HCFC2: variants seen among roughly 807,000 people sequenced by gnomAD.
HCFC2 encodes host cell factor C2.
HCFC2 carries 18 observed loss-of-function variants against 89.2 expected under a neutral mutation model. The observed-to-expected ratio is 0.20, with a 90% CI of 0.14 to 0.30. The LOEUF (loss-of-function observed/expected upper bound fraction) is 0.30. HCFC2 is among the 10% of genes least tolerant of loss of function. The probability of loss-of-function intolerance (pLI) is 1.00; values close to 1 mark genes in which losing one functional copy is unlikely to be tolerated. For missense variants in HCFC2, 578 were observed against 956.1 expected (o/e 0.60, Z 5.21); for synonymous variants, 308 against 335.7 (o/e 0.92, Z 0.90).
At chr12:104,084,521 A>G (rs1440352210) in intron 7 of HCFC2, among the ~76,000 whole-genome samples, 1 of 152,152 alleles carries the variant, frequency 6.6e-6, no homozygotes, top group African/African-American at 2.4e-5. Context: ...AACAAAGAGG[A>G]AAGTGTAGGA....
chr12:104,081,450 A>C (rs1566229539), intron 5 of HCFC2, among the ~76,000 whole-genome samples: 1 of 152,226 alleles, frequency 6.6e-6, no homozygotes, highest in Non-Finnish European at 1.5e-5. Flanking sequence ...GTTGACTGTT[A>C]CTACCATCAA....
intron 3 of HCFC2, among the ~76,000 whole-genome samples, chr12:104,078,580 A>G (rs866223546): frequency 6.6e-6 from 1 of 152,370 alleles, no homozygotes; most frequent in Middle Eastern, 3.4e-3. Context: ...TTTAAAAGTT[A>G]CAAAGCAGCA....
At chr12:104,070,761 A>G (rs1332099213) in intron 3 of HCFC2, among the ~76,000 whole-genome samples, 1 of 151,990 alleles carries the variant, frequency 6.6e-6, no homozygotes, top group African/African-American at 2.4e-5. Flanking sequence ...ACAGAAAAGG[A>G]AAAAAAATTA....
intron 3 of HCFC2, among the ~76,000 whole-genome samples, chr12:104,070,230 G>T (rs531611662): frequency 6.6e-6 from 1 of 151,924 alleles, no homozygotes; most frequent in African/African-American, 2.4e-5. Context: ...GGGTTTCACC[G>T]CGTTAGCCAG....
At chr12:104,066,349 TTTAA>T (rs1214669205) in intron 2 of HCFC2, 34 bp downstream of exon 2, 57 of 1,475,588 alleles carry the variant, frequency 3.9e-5, no homozygotes, top group Non-Finnish European at 4.7e-5. Context: ...ATTCTGAGGC[TTTAA>T]TAATGATATT....
intron 3 of HCFC2, among the ~76,000 whole-genome samples, chr12:104,075,068 A>G (rs1418305522): frequency 2.6e-5 from 4 of 152,110 alleles, no homozygotes; most frequent in Admixed American, 6.5e-5. Context: ...TAAAAGTTAT[A>G]AGACAGCCAG....
intron 13 of HCFC2, among the ~76,000 whole-genome samples, chr12:104,101,711 A>G (rs974104662): frequency 1.3e-5 from 2 of 152,092 alleles, no homozygotes; most frequent in African/African-American, 4.8e-5. Context: ...ATGCTCTTAC[A>G]TTTCTCTGTG....
intron 12 of HCFC2, chr12:104,097,748 G>A (rs1451521102): frequency 1.8e-5 from 9 of 509,790 alleles, no homozygotes; most frequent in African/African-American, 2.1e-5. Context: ...TAAGGTAGAG[G>A]AAGTTTATTT....
chr12:104,069,787 C>T (rs1227291855), intron 3 of HCFC2, among the ~76,000 whole-genome samples: 2 of 151,594 alleles, frequency 1.3e-5, no homozygotes, highest in African/African-American at 2.4e-5. Flanking sequence ...ACCTATCAAC[C>T]CATCATCTAG....
intron 4 of HCFC2, chr12:104,080,466 C>A: frequency 3.9e-6 from 1 of 257,374 alleles, no homozygotes; most frequent in Non-Finnish European, 7.4e-6. Flanking sequence ...ATGTGCAGTG[C>A]AGCCAAAGAT....
At chr12:104,087,126 AGGTGGATCACCTG>A in intron 8 of HCFC2, 112 bp downstream of exon 8, 4 of 969,802 alleles carry the variant, frequency 4.1e-6, no homozygotes, top group Non-Finnish European at 3.0e-6. Context: ...AGGCTGAGGC[AGGTGGATCACCTG>A]AGGTCAGGAG....
rs1317116331 is a variant in HCFC2 at position 104,104,553 on chromosome 12, T to G, written c.*1280T>G. On this transcript the variant is annotated 3_prime_UTR_variant, in exon 15 of 15. Coordinates refer to ENST00000229330, the MANE Select transcript of HCFC2 (RefSeq NM_013320.3). Reference sequence around the variant, plus strand: ...CTATCTTTTTTTATACCACATAACCTTATGCCAGTTTAGGTTGACTGAGTA... The same window carrying G: ...CTATCTTTTTTTATACCACATAACCGTATGCCAGTTTAGGTTGACTGAGTA... The G allele has an allele frequency of 1.3e-5, 2 of 152,030 alleles. No individual in the cohort carries two copies. The highest frequency in any genetic ancestry group is 2.9e-5 in the Non-Finnish European group (2 of 67,894). 9.4% of individuals were successfully genotyped at this position (152,030 alleles called of 1,614,324 possible). A position where few individuals can be genotyped will look rare whatever the true frequency, so the allele number is the denominator to read the frequency against.
chr12:104,092,831 G>A (rs1201921883), intron 9 of HCFC2, among the ~76,000 whole-genome samples: 2 of 152,284 alleles, frequency 1.3e-5, no homozygotes, highest in South Asian at 2.1e-4. Context: ...GTTTATTATA[G>A]TGTGTTTAAG....
In HCFC2 at chr12:104,095,278, A is replaced by G. The variant is rs1414484826; in HGVS notation, c.1463-82A>G. ...TATGATTTTAAAACTGAAAGTACCA[A>G]GAATCATATGACAAGAACGATAAGA... On this transcript the variant is annotated intron_variant, in intron 10 of 14. Transcript: ENST00000229330. This position sits in a 1 kb window ranked among gnomAD's most constrained non-coding sequence, Gnocchi z 4.2. 5 of 1,072,184 alleles carry G rather than the reference A, an allele frequency of 4.7e-6. No homozygotes were observed. The highest frequency in any genetic ancestry group is 2.5e-5 in the East Asian group (1 of 40,748). 66.4% of individuals were successfully genotyped at this position (1,072,184 alleles called of 1,614,324 possible). A position where few individuals can be genotyped will look rare whatever the true frequency, so the allele number is the denominator to read the frequency against.
At position 104,088,018 on chromosome 12, in the gene HCFC2, A is replaced by G; in HGVS notation, c.1264A>G (p.Asn422Asp). The change falls in exon 9 of 15, where the codon AAT becomes GAT. Residue 422 changes from asparagine to aspartate, a missense_variant. Physicochemically the swap from Asn to Asp is conservative, Grantham distance 23. Around this residue, in one of 4 missense-constraint regions of HCFC2, gnomAD observed 210 missense variants for 251.7 expected, o/e 0.83. Coordinates refer to ENST00000229330, the MANE Select transcript of HCFC2 (RefSeq NM_013320.3). ...GATGGACCCTCACAGACAAGGCAGT[A>G]ATAACATCGTTCCTAACAGTGTAAG... Reference protein sequence around the residue: ...VRMDPHRQGSNNIVPNSINDT... With the variant: ...VRMDPHRQGSDNIVPNSINDT... 1 of 1,608,312 alleles carries G rather than the reference A, an allele frequency of 6.2e-7. No homozygotes were observed. Among genetic ancestry groups the G allele is most frequent in the Non-Finnish European group, 8.5e-7 (1 of 1,176,548 alleles).
intron 7 of HCFC2, among the ~76,000 whole-genome samples, chr12:104,084,674 T>G (rs1355408133): frequency 6.6e-6 from 1 of 152,230 alleles, no homozygotes; most frequent in Non-Finnish European, 1.5e-5. Flanking sequence ...TTTGGAATGG[T>G]CACTGGCAGT....
chr12:104,087,473 ATATATATATATG>A (rs1425545175), intron 8 of HCFC2, among the ~76,000 whole-genome samples: 4 of 119,110 alleles, frequency 3.4e-5, no homozygotes, highest in Admixed American at 1.0e-4. Context: ...ATACATATAT[ATATATATATATG>A]TATATATATA....
At chr12:104,085,409 A>G (rs1883805640) in intron 7 of HCFC2, among the ~76,000 whole-genome samples, 1 of 152,218 alleles carries the variant, frequency 6.6e-6, no homozygotes, top group Non-Finnish European at 1.5e-5. Context: ...ACTAAAGTCT[A>G]AGGATAAGCT....
At chr12:104,101,330 C>G (rs534910876) in intron 13 of HCFC2, among the ~76,000 whole-genome samples, 1 of 152,154 alleles carries the variant, frequency 6.6e-6, no homozygotes, top group Non-Finnish European at 1.5e-5. Context: ...CTGAAAAATA[C>G]AAAAATTAGT....
Sources: allele counts gnomAD v4.1 joint callset (sites outside exome capture counted in the v4.1 genomes callset), GRCh38; gene constraint gnomAD v4.1.1; regional missense constraint gnomAD v4.1.1; non-coding constraint Gnocchi (gnomAD v3.1); transcripts MANE v1.5; gene names NCBI Gene and HGNC (gene_info 2026-07-23, HGNC 2026-07-21).